Variants in QTMAN observed in about 807,000 individuals in gnomAD.
QTMAN encodes the protein tRNA-queuosine alpha-mannosyltransferase.
the QTMAN span, among the ~76,000 whole-genome samples, chr2:144,245,712 C>G: frequency 6.6e-6 from 1 of 151,858 alleles, no homozygotes; most frequent in Non-Finnish European, 1.5e-5. Context: ...ATCAATAAAG[C>G]AAGAGTTAAA....
At chr2:144,040,189 T>C in the QTMAN span, among the ~76,000 whole-genome samples, 2 of 152,212 alleles carry the variant, frequency 1.3e-5, no homozygotes, top group African/African-American at 2.4e-5. Flanking sequence ...AGTATTTAGT[T>C]TTAATTTTTA....
At chr2:144,010,538 A>G in the QTMAN span, among the ~76,000 whole-genome samples, 3 of 152,106 alleles carry the variant, frequency 2.0e-5, no homozygotes, top group African/African-American at 4.8e-5. Context: ...GATGAGCAAG[A>G]GCTGATTTGA....
At chr2:144,152,024 T>C in the QTMAN span, among the ~76,000 whole-genome samples, 1 of 152,204 alleles carries the variant, frequency 6.6e-6, no homozygotes, top group Admixed American at 6.5e-5. Context: ...TCATTTAATC[T>C]CCCAGGTTCT....
the QTMAN span, among the ~76,000 whole-genome samples, chr2:144,202,514 T>TGTTAAAACTAA: frequency 6.6e-6 from 1 of 152,198 alleles, no homozygotes; most frequent in Non-Finnish European, 1.5e-5. Flanking sequence ...GTCTCAATCA[T>TGTTAAAACTAA]TATGTTAAAA....
At chr2:144,201,611 T>G in the QTMAN span, among the ~76,000 whole-genome samples, 1 of 152,216 alleles carries the variant, frequency 6.6e-6, no homozygotes, top group South Asian at 2.1e-4. Flanking sequence ...GCTTGCTGTG[T>G]GCTAGCGCCA....
At chr2:144,118,344 C>A in the QTMAN span, among the ~76,000 whole-genome samples, 1 of 152,100 alleles carries the variant, frequency 6.6e-6, no homozygotes, top group African/African-American at 2.4e-5. Context: ...TCAATCAGTT[C>A]CCCTTATGAG....
the QTMAN span, among the ~76,000 whole-genome samples, chr2:144,309,345 C>CA: frequency 0.042 from 6,405 of 152,016 alleles, 441 homozygotes; most frequent in African/African-American, 0.15. Flanking sequence ...TCACTATAGG[C>CA]AAAAAAACCT....
the QTMAN span, among the ~76,000 whole-genome samples, chr2:144,193,546 G>C: frequency 6.6e-6 from 1 of 150,700 alleles, no homozygotes; most frequent in Admixed American, 6.6e-5. Context: ...AAAGAGAGAA[G>C]GTCTCGCTCT....
the QTMAN span, among the ~76,000 whole-genome samples, chr2:144,165,587 C>T: frequency 6.6e-6 from 1 of 152,096 alleles, no homozygotes; most frequent in Non-Finnish European, 1.5e-5. Context: ...GATTTCAAAC[C>T]TAGACTTCTC....
chr2:144,160,264 T>A, the QTMAN span, among the ~76,000 whole-genome samples: 1 of 152,128 alleles, frequency 6.6e-6, no homozygotes, highest in Non-Finnish European at 1.5e-5. Context: ...ATCTTAAGTT[T>A]AAGGTGTCAG....
the QTMAN span, among the ~76,000 whole-genome samples, chr2:144,105,037 G>A: frequency 6.6e-6 from 1 of 152,370 alleles, no homozygotes; most frequent in East Asian, 1.9e-4. Context: ...CCGACCTGCA[G>A]CTGAGGGTCC....
the QTMAN span, among the ~76,000 whole-genome samples, chr2:144,184,555 G>C: frequency 1.3e-5 from 2 of 152,098 alleles, no homozygotes; most frequent in African/African-American, 4.8e-5. Context: ...GGTTAATACA[G>C]TAATGAGAGT....
the QTMAN span, among the ~76,000 whole-genome samples, chr2:144,250,988 TAA>T: frequency 1.3e-5 from 2 of 152,092 alleles, no homozygotes; most frequent in Admixed American, 6.5e-5. Context: ...TGTAAAATTT[TAA>T]AAGTTAAAAT....
chr2:143,999,535 C>T, the QTMAN span, among the ~76,000 whole-genome samples: 1 of 151,980 alleles, frequency 6.6e-6, no homozygotes, highest in Non-Finnish European at 1.5e-5. Context: ...AATTCACACA[C>T]AATCATGTAT....
At chr2:144,086,485 G>A in the QTMAN span, among the ~76,000 whole-genome samples, 93 of 152,170 alleles carry the variant, frequency 6.1e-4, no homozygotes, top group East Asian at 5.0e-3. Context: ...CTCACAATAT[G>A]AGTATTGATA....
the QTMAN span, chr2:144,006,132 T>C: frequency 1.2e-4 from 19 of 152,134 alleles, no homozygotes; most frequent in African/African-American, 4.6e-4. Context: ...GTCACTACCT[T>C]AGAAAGGCTA....
chr2:144,314,669 T>A, the QTMAN span, among the ~76,000 whole-genome samples: 1 of 152,062 alleles, frequency 6.6e-6, no homozygotes, highest in Non-Finnish European at 1.5e-5. Flanking sequence ...GTGGAGATAG[T>A]GCCACCGCAC....
the QTMAN span, among the ~76,000 whole-genome samples, chr2:144,228,976 A>T: frequency 6.6e-5 from 10 of 152,116 alleles, no homozygotes; most frequent in Admixed American, 5.9e-4. Flanking sequence ...AGAATAAATG[A>T]GAGATTACAA....
the QTMAN span, among the ~76,000 whole-genome samples, chr2:143,980,641 C>G: frequency 6.6e-6 from 1 of 152,142 alleles, no homozygotes; most frequent in Admixed American, 6.5e-5. Context: ...CACTTAAAAA[C>G]TAAACTGCTG....
Sources: allele counts gnomAD v4.1 joint callset (sites outside exome capture counted in the v4.1 genomes callset), GRCh38; gene constraint gnomAD v4.1.1; transcripts MANE v1.5; gene names NCBI Gene and HGNC (gene_info 2026-07-23, HGNC 2026-07-21).